Variants in GALNT13 observed in about 807,000 individuals in gnomAD.
The protein encoded by GALNT13 is polypeptide N-acetylgalactosaminyltransferase 13, also known as UDP-GalNAc:polypeptide N-acetylgalactosaminyltransferase 13.
A neutral mutation model predicts 64.2 loss-of-function variants in GALNT13; 28 were observed. The ratio of observed to expected loss-of-function variants is 0.44; its 90% CI spans 0.32 to 0.60. GALNT13 has a LOEUF of 0.60. GALNT13 is among the 20% of genes least tolerant of loss of function. The probability of loss-of-function intolerance (pLI) is 0.05; values close to 1 mark genes in which losing one functional copy is unlikely to be tolerated. For synonymous variants in GALNT13, 214 were observed against 224.6 expected (o/e 0.95, Z 0.42); for missense variants, 577 against 669.8 (o/e 0.86, Z 1.53).
the GALNT13 span, among the ~76,000 whole-genome samples, chr2:153,424,075 G>A: frequency 1.3e-5 from 2 of 149,908 alleles, no homozygotes; most frequent in Admixed American, 1.3e-4. Context: ...AACAGATCGA[G>A]CCATGTATAT....
At chr2:153,820,159 C>T in the GALNT13 span, among the ~76,000 whole-genome samples, 3 of 152,098 alleles carry the variant, frequency 2.0e-5, no homozygotes, top group Non-Finnish European at 4.4e-5. Flanking sequence ...AGTGTGAAGG[C>T]TGGTCTTTTT....
intron 4 of GALNT13, among the ~76,000 whole-genome samples, chr2:154,170,140 C>A (rs927381834): frequency 5.3e-5 from 8 of 152,222 alleles, no homozygotes; most frequent in African/African-American, 1.9e-4. Flanking sequence ...ATCAGGGTTT[C>A]CAGCTGCAGA....
chr2:153,333,561 C>T, the GALNT13 span, among the ~76,000 whole-genome samples: 1 of 151,950 alleles, frequency 6.6e-6, no homozygotes, highest in East Asian at 1.9e-4. Flanking sequence ...CTAAAAGCCT[C>T]TAATCTACCA....
At chr2:154,327,743 T>A (rs1694955162) in intron 9 of GALNT13, among the ~76,000 whole-genome samples, 3 of 152,084 alleles carry the variant, frequency 2.0e-5, no homozygotes, top group African/African-American at 7.2e-5. Context: ...ACCAAAAGTC[T>A]TACAGAAGAC....
At chr2:153,140,229 A>G in the GALNT13 span, among the ~76,000 whole-genome samples, 2 of 152,208 alleles carry the variant, frequency 1.3e-5, no homozygotes, top group African/African-American at 4.8e-5. Context: ...GCCAAGCACT[A>G]TTCCAGGTCC....
rs575964855 is a variant in GALNT13, at chr2:154,041,278, T to C, written c.142+96639T>C. Among the ~76,000 whole-genome samples the C allele has an allele frequency of 4.5e-4, 63 of 140,898 alleles. 3 individuals carry two copies. Among genetic ancestry groups the C allele is most frequent in the African/African-American group, 1.5e-3 (60 of 41,056 alleles). The allele number at this position is 140,898 out of a possible 152,430, so 92.4% of individuals were successfully genotyped here. On this transcript the variant is annotated intron_variant, in intron 3 of 12. Coordinates refer to ENST00000392825, the MANE Select transcript of GALNT13 (RefSeq NM_052917.4). Reference sequence around the variant, plus strand: ...AAGACCTCAATTGAAGTTTTTAGACTATATTATTTTGCTTGTATTCCACAA... The same window carrying C: ...AAGACCTCAATTGAAGTTTTTAGACCATATTATTTTGCTTGTATTCCACAA...
At chr2:153,165,257 A>G in the GALNT13 span, among the ~76,000 whole-genome samples, 1 of 152,172 alleles carries the variant, frequency 6.6e-6, no homozygotes, top group Non-Finnish European at 1.5e-5. Context: ...GGGTACTTTG[A>G]TTGTTATAGT....
At chr2:154,084,123 T>C (rs985936620) in intron 3 of GALNT13, among the ~76,000 whole-genome samples, 13 of 151,914 alleles carry the variant, frequency 8.6e-5, no homozygotes, top group African/African-American at 3.1e-4. Context: ...GTTAGTATTT[T>C]TAGTGTCCCA....
chr2:153,931,378 G>A (rs954535815), intron 2 of GALNT13, among the ~76,000 whole-genome samples: 2 of 151,630 alleles, frequency 1.3e-5, no homozygotes, highest in Non-Finnish European at 2.9e-5. Flanking sequence ...CTCCCAGTAT[G>A]TTGCTGAATA....
chr2:154,051,509 C>T (rs1177167419), intron 3 of GALNT13, among the ~76,000 whole-genome samples: 1 of 151,682 alleles, frequency 6.6e-6, no homozygotes, highest in Non-Finnish European at 1.5e-5. Context: ...CCAGGATGGT[C>T]TCGATCTCCT....
At chr2:153,306,779 A>T in the GALNT13 span, among the ~76,000 whole-genome samples, 1 of 152,128 alleles carries the variant, frequency 6.6e-6, no homozygotes, top group Non-Finnish European at 1.5e-5. Context: ...TCTAAGATGG[A>T]GTCTCGCTCT....
At chr2:153,909,399 C>G (rs1325314929) in intron 2 of GALNT13, among the ~76,000 whole-genome samples, 2 of 151,876 alleles carry the variant, frequency 1.3e-5, no homozygotes, top group Non-Finnish European at 2.9e-5. Flanking sequence ...AGTTTGACTC[C>G]CTTTCTTTCT....
chr2:154,412,708 C>G (rs1451935305), intron 11 of GALNT13, among the ~76,000 whole-genome samples: 1 of 151,696 alleles, frequency 6.6e-6, no homozygotes, highest in African/African-American at 2.4e-5. Flanking sequence ...GATTTCCCAG[C>G]AAAATCTAAA....
intron 9 of GALNT13, among the ~76,000 whole-genome samples, chr2:154,314,846 T>G (rs1694242651): frequency 6.6e-6 from 1 of 152,102 alleles, no homozygotes; most frequent in African/African-American, 2.4e-5. Context: ...AGGTTTGGAG[T>G]GTCAAATATC....
At chr2:153,464,731 A>C in the GALNT13 span, among the ~76,000 whole-genome samples, 1 of 152,088 alleles carries the variant, frequency 6.6e-6, no homozygotes, top group African/African-American at 2.4e-5. Flanking sequence ...AGTTATGTTT[A>C]AGGGTGATAT....
chr2:153,421,200 C>A, the GALNT13 span: 1 of 188,012 alleles, frequency 5.3e-6, no homozygotes, highest in South Asian at 1.1e-4. Context: ...CATATGTGAC[C>A]AAAGAGAAGA....
At chr2:153,188,935 A>C in the GALNT13 span, among the ~76,000 whole-genome samples, 1 of 152,180 alleles carries the variant, frequency 6.6e-6, no homozygotes, top group East Asian at 1.9e-4. Context: ...AGGTTATACT[A>C]TCACTACAAG....
At chr2:153,804,197 C>T in the GALNT13 span, among the ~76,000 whole-genome samples, 1 of 152,192 alleles carries the variant, frequency 6.6e-6, no homozygotes, top group African/African-American at 2.4e-5. Context: ...GAGATACAGT[C>T]TTGCCCTGTG....
Position 154,396,034 on chromosome 2 carries a change from A to G in GALNT13, c.1200A>G (p.Thr400=). The change falls in exon 10 of 13, where the codon ACA becomes ACG. Residue 400 remains threonine, a synonymous_variant. Coordinates refer to ENST00000392825, the MANE Select transcript of GALNT13 (RefSeq NM_052917.4). ...VDYGDVSVRK[T]LRENLKCKPF... ...ATGGAGATGTGTCAGTCAGAAAAACACTAAGAGAAAATCTGAAGTGTAAGC... is the reference window on the plus strand; with the variant it reads ...ATGGAGATGTGTCAGTCAGAAAAACGCTAAGAGAAAATCTGAAGTGTAAGC... The G allele has an allele frequency of 6.2e-7, 1 of 1,611,110 alleles. No homozygotes were observed. The highest frequency in any genetic ancestry group is 8.5e-7 in the Non-Finnish European group (1 of 1,178,642).
Sources: gnomAD v4.1 joint callset for allele counts (sites outside exome capture counted in the v4.1 genomes callset) on GRCh38, gnomAD v4.1.1 for gene constraint, MANE v1.5 for transcripts, NCBI Gene and HGNC (gene_info 2026-07-23, HGNC 2026-07-21) for gene names.